EXT1: variants seen among roughly 807,000 people sequenced by gnomAD.
EXT1 encodes exostosin-1.
EXT1 carries 20 observed loss-of-function variants against 82.5 expected under a neutral mutation model. The observed-to-expected ratio is 0.24, with a 90% CI of 0.17 to 0.35. The LOEUF is 0.35. Among genes scored for constraint, EXT1 ranks in the 10% least tolerant of loss-of-function variants. EXT1 has a pLI of 1.00. For missense variants in EXT1, 757 were observed against 936.5 expected (o/e 0.81, Z 2.50); for synonymous variants, 348 against 350.8 (o/e 0.99, Z 0.09).
At chr8:118,091,112 C>T (rs547725448) in intron 1 of EXT1, among the ~76,000 whole-genome samples, 21 of 152,196 alleles carry the variant, frequency 1.4e-4, no homozygotes, top group Admixed American at 2.6e-4. Context: ...TTCACTATCT[C>T]TCAGCCTGCT....
intron 6 of EXT1, 49 bp downstream of exon 6, chr8:117,819,627 G>T (rs773821402): frequency 2.6e-6 from 4 of 1,525,296 alleles, no homozygotes; most frequent in Non-Finnish European, 3.6e-6. Context: ...CGGAGTCTCT[G>T]GTCTGGAGCT....
chr8:117,971,909 G>A (rs1011927076), intron 1 of EXT1, among the ~76,000 whole-genome samples: 8 of 152,316 alleles, frequency 5.3e-5, no homozygotes, highest in African/African-American at 1.9e-4. Context: ...CCAGCACTTT[G>A]GGAGGCCAAG....
intron 2 of EXT1, 27 bp from the exon 3 acceptor site, chr8:117,835,578 T>A (rs1267298151): frequency 6.5e-7 from 1 of 1,549,174 alleles, no homozygotes; most frequent in African/African-American, 1.4e-5. Flanking sequence ...ACTTCGTGAA[T>A]GTGAGGAAAG....
intron 1 of EXT1, among the ~76,000 whole-genome samples, chr8:118,107,380 A>G (rs778979878): frequency 7.9e-5 from 12 of 152,310 alleles, no homozygotes; most frequent in Non-Finnish European, 1.2e-4. Context: ...GCACCCCTGA[A>G]GCAGTCTGAA....
At chr8:117,819,840 A>C in intron 5 of EXT1, 46 bp from the exon 6 acceptor site, 1 of 1,566,336 alleles carries the variant, frequency 6.4e-7, no homozygotes, top group Non-Finnish European at 8.8e-7. Context: ...CTGGAAAGCA[A>C]GACTTAGAAA....
At position 117,995,471 on chromosome 8, in the gene EXT1, A is replaced by G. The variant is rs561974357; in HGVS notation, c.962+114614T>C. 2.9e-3 allele frequency among the ~76,000 whole-genome samples: 441 copies of G among 152,232 alleles called. 2 individuals are homozygous for G. The highest frequency in any genetic ancestry group is 9.8e-3 in the African/African-American group (406 of 41,556). ...GCTGGGTATGCGGCTGGTTTTCAATATGCATGGCGTGGGTGGGGACACACA... is the reference window on the plus strand; with the variant it reads ...GCTGGGTATGCGGCTGGTTTTCAATGTGCATGGCGTGGGTGGGGACACACA... On this transcript the variant is annotated intron_variant, in intron 1 of 10. Transcript: ENST00000378204.
intron 4 of EXT1, among the ~76,000 whole-genome samples, chr8:117,826,514 T>C (rs939890497): frequency 3.9e-5 from 6 of 152,218 alleles, no homozygotes; most frequent in African/African-American, 1.4e-4. Flanking sequence ...CAAGTTCACA[T>C]CTTTGATACG....
At chr8:118,030,191 G>T (rs1296728344) in intron 1 of EXT1, among the ~76,000 whole-genome samples, 1 of 151,534 alleles carries the variant, frequency 6.6e-6, no homozygotes, top group Non-Finnish European at 1.5e-5. Context: ...GTTGAGAGAG[G>T]TGATTTTGTG....
chr8:117,864,157 C>T (rs1812733340), intron 1 of EXT1, among the ~76,000 whole-genome samples: 1 of 152,112 alleles, frequency 6.6e-6, no homozygotes, highest in African/African-American at 2.4e-5. Flanking sequence ...ATTCTTAAAG[C>T]GTATATTGCA....
At chr8:117,835,595 C>G (rs1646209803) in intron 2 of EXT1, 44 bp from the exon 3 acceptor site, 1 of 1,416,456 alleles carries the variant, frequency 7.1e-7, no homozygotes, top group African/African-American at 1.4e-5. Flanking sequence ...AAAGCGACAG[C>G]AGAAGCTGTT....
chr8:118,031,907 T>C (rs988972615), intron 1 of EXT1, among the ~76,000 whole-genome samples: 1 of 152,058 alleles, frequency 6.6e-6, no homozygotes, highest in African/African-American at 2.4e-5. Flanking sequence ...ACGATGAGAC[T>C]GTTTATATCA....
At chr8:117,852,276 C>G (rs1812468995) in intron 1 of EXT1, among the ~76,000 whole-genome samples, 1 of 152,158 alleles carries the variant, frequency 6.6e-6, no homozygotes, top group Non-Finnish European at 1.5e-5. Flanking sequence ...GCTAAGTGAG[C>G]TCTGTCATGA....
In EXT1 at chr8:117,985,975, A is replaced by G. The variant is rs1815307891; in HGVS notation, c.962+124110T>C. Among the ~76,000 whole-genome samples, 5 of 152,054 alleles carry G rather than the reference A, an allele frequency of 3.3e-5. No individual in the cohort carries two copies. In the South Asian group the frequency reaches 1.0e-3, roughly 32 times the overall value. On this transcript the variant is annotated intron_variant, in intron 1 of 10. Coordinates refer to ENST00000378204, the MANE Select transcript of EXT1 (RefSeq NM_000127.3). ...TTGATGCTGTATTCTTATTTCACTG[A>G]TTTTGGACTGGAGATTTCTTGTTTT...
intron 1 of EXT1, among the ~76,000 whole-genome samples, chr8:117,997,885 C>A (rs979882041): frequency 2.0e-5 from 3 of 152,176 alleles, no homozygotes; most frequent in Non-Finnish European, 4.4e-5. Flanking sequence ...ATCACCCTGA[C>A]TGAGCAGCCT....
rs533258801 is a variant in EXT1, at chr8:117,842,876, A to G, written c.963-5675T>C. ...CCCTCTGTAGCACGCATATTTGCCAAGTGAACCTGCTTTTTGCTAACCAAA... is the reference window on the plus strand; with the variant it reads ...CCCTCTGTAGCACGCATATTTGCCAGGTGAACCTGCTTTTTGCTAACCAAA... On this transcript the variant is annotated intron_variant, in intron 1 of 10. Transcript: ENST00000378204. Among the ~76,000 whole-genome samples the G allele has an allele frequency of 3.0e-4, 46 of 152,348 alleles. No individual in the cohort carries two copies. The South Asian group carries it at 8.7e-3, about 29-fold the overall frequency.
chr8:117,878,798 C>T (rs973435491), intron 1 of EXT1, among the ~76,000 whole-genome samples: 2 of 152,198 alleles, frequency 1.3e-5, no homozygotes, highest in Non-Finnish European at 2.9e-5. Context: ...TAAACAGGCA[C>T]AACAGTATGA....
intron 1 of EXT1, among the ~76,000 whole-genome samples, chr8:117,902,014 T>C (rs930576929): frequency 1.4e-4 from 19 of 140,622 alleles, no homozygotes; most frequent in Admixed American, 1.2e-3. Flanking sequence ...CTTTTTTCTA[T>C]TTTTTTTTTT....
At chr8:117,812,649 G>A (rs1453281691) in intron 8 of EXT1, among the ~76,000 whole-genome samples, 1 of 152,148 alleles carries the variant, frequency 6.6e-6, no homozygotes, top group South Asian at 2.1e-4. Flanking sequence ...TGCAAATGAG[G>A]AGCCAATTAG....
At chr8:117,906,994 T>A (rs191158207) in intron 1 of EXT1, among the ~76,000 whole-genome samples, 2 of 152,116 alleles carry the variant, frequency 1.3e-5, no homozygotes, top group Admixed American at 1.3e-4. Flanking sequence ...CTGTAGCATA[T>A]CTCCCTCACC....
Sources: allele counts gnomAD v4.1 joint callset (sites outside exome capture counted in the v4.1 genomes callset), GRCh38; gene constraint gnomAD v4.1.1; transcripts MANE v1.5; gene names NCBI Gene and HGNC (gene_info 2026-07-23, HGNC 2026-07-21).